The following GRXCR1 variants were observed in gnomAD, a reference collection of about 807,000 sequenced individuals.
The protein encoded by GRXCR1 is glutaredoxin domain-containing cysteine-rich protein 1.
A neutral mutation model predicts 27.3 loss-of-function variants in GRXCR1; 27 were observed. The ratio of observed to expected loss-of-function variants is 0.99; its 90% CI spans 0.73 to 1.37. The LOEUF is 1.37. Ranked by LOEUF, GRXCR1 falls within the 40% of genes most tolerant of loss-of-function variation. The pLI is 0.00. For synonymous variants in GRXCR1, 122 were observed against 131.1 expected, an observed-to-expected ratio of 0.93 and a Z score of 0.47; for missense variants, 379 against 354.4, an observed-to-expected ratio of 1.07 and a Z score of -0.56.
At chr4:43,025,827 T>A (rs1046358793) in intron 3 of GRXCR1, among the ~76,000 whole-genome samples, 1 of 151,958 alleles carries the variant, frequency 6.6e-6, no homozygotes, top group Non-Finnish European at 1.5e-5. Flanking sequence ...ATACAAAAAA[T>A]TAGCCGGGCA....
chr4:42,996,729 CTG>C (rs1465829834), intron 2 of GRXCR1, among the ~76,000 whole-genome samples: 3 of 151,718 alleles, frequency 2.0e-5, no homozygotes, highest in African/African-American at 4.8e-5. Flanking sequence ...GAAGATGACT[CTG>C]TAGTGAACAT....
In GRXCR1 at chr4:42,893,498, G is replaced by T; in HGVS notation, c.232G>T (p.Asp78Tyr). Residue 78 changes from aspartate (D) to tyrosine (Y), a missense_variant, in exon 1 of 4, where the codon GAT becomes TAT. Transcript: ENST00000399770. ...AGGTGATGAGAATGAGAATGACCAG[G>T]ATAGCTTGCTGGTGTTAGCAAGGGC... ...SEGDENENDQ[D>Y]SLLVLARAAS... 6.2e-7 allele frequency: 1 copy of T among 1,613,876 alleles called. No individual in the cohort carries two copies. Among genetic ancestry groups the T allele is most frequent in the Non-Finnish European group, 8.5e-7 (1 of 1,179,832 alleles).
intron 2 of GRXCR1, 135 bp downstream of exon 2, chr4:42,963,269 G>C: frequency 2.1e-6 from 2 of 963,424 alleles, no homozygotes; most frequent in Non-Finnish European, 3.3e-6. Context: ...CAAAGGGATT[G>C]GAGCACTTAT....
intron 2 of GRXCR1, among the ~76,000 whole-genome samples, chr4:42,972,909 A>G (rs1237004065): frequency 6.6e-6 from 1 of 152,092 alleles, no homozygotes; most frequent in Non-Finnish European, 1.5e-5. Flanking sequence ...AAATGATTCC[A>G]TATTCAAAAT....
At chr4:42,988,601 A>G (rs1221902807) in intron 2 of GRXCR1, among the ~76,000 whole-genome samples, 1 of 152,246 alleles carries the variant, frequency 6.6e-6, no homozygotes, top group Non-Finnish European at 1.5e-5. Context: ...CCTTTGTAGA[A>G]GAAACCTTGG....
At chr4:42,917,338 T>G (rs1194855198) in intron 1 of GRXCR1, among the ~76,000 whole-genome samples, 4 of 152,110 alleles carry the variant, frequency 2.6e-5, no homozygotes, top group African/African-American at 7.2e-5. Context: ...CCAATGAGAT[T>G]GTGGCTTTCA....
At chr4:42,932,182 C>T (rs1747327656) in intron 1 of GRXCR1, among the ~76,000 whole-genome samples, 1 of 151,850 alleles carries the variant, frequency 6.6e-6, no homozygotes, top group Non-Finnish European at 1.5e-5. Context: ...AAGCTTATTT[C>T]TCCTGTCTTA....
chr4:42,905,035 T>A lies in GRXCR1; in HGVS notation c.384+11385T>A, dbSNP rs543181216. 3.3e-5 allele frequency among the ~76,000 whole-genome samples: 5 copies of A among 152,286 alleles called. No homozygotes were observed. In the South Asian group the frequency reaches 1.0e-3, roughly 32 times the overall value. ...GTACCACAAGATTTTTTGGCAGAAA[T>A]CACTTCACTTTGAAAAATCTTAGCT... On this transcript the variant is annotated intron_variant, in intron 1 of 3. Transcript: ENST00000399770.
rs561550865 is a variant in GRXCR1 at position 43,004,984 on chromosome 4, C to T, written c.628-15370C>T. 3.4e-4 allele frequency among the ~76,000 whole-genome samples: 52 copies of T among 152,164 alleles called. No homozygotes were observed. The Middle Eastern group carries it at 0.014, about 40-fold the overall frequency. ...GGAATGACATGGTTTGGCTCTGTGT[C>T]CCCACCCAAATCTCATATCAAATTG... is the stretch of plus-strand genomic sequence containing the variant. On this transcript the variant is annotated intron_variant, in intron 2 of 3. Transcript: ENST00000399770.
chr4:42,969,610 A>G (rs1256331138), intron 2 of GRXCR1, among the ~76,000 whole-genome samples: 2 of 152,118 alleles, frequency 1.3e-5, no homozygotes, highest in Non-Finnish European at 2.9e-5. Context: ...CCAAACAACC[A>G]GATCTCGTGA....
intron 2 of GRXCR1, among the ~76,000 whole-genome samples, chr4:42,987,240 TAATATATAATATATATATATA>T (rs1711784192): frequency 1.6e-5 from 1 of 63,100 alleles, no homozygotes; most frequent in Non-Finnish European, 3.4e-5. Flanking sequence ...TATATATATA[TAATATATAATATATATATATA>T]ATATATATAT....
At position 43,030,594 on chromosome 4, in the gene GRXCR1, G is replaced by T; in HGVS notation, c.*54G>T. On this transcript the variant is annotated 3_prime_UTR_variant, in exon 4 of 4. Transcript: ENST00000399770. ...TTTTATTAATCAAAGGCAATACTTT[G>T]GTTTATATATATATTTTTAAATGGT... 1.5e-6 allele frequency: 2 copies of T among 1,363,968 alleles called. No individual in the cohort carries two copies. Among genetic ancestry groups the T allele is most frequent in the South Asian group, 1.2e-5 (1 of 85,438 alleles). 84.5% of individuals were successfully genotyped at this position (1,363,968 alleles called of 1,614,324 possible). A position where few individuals can be genotyped will look rare whatever the true frequency, so the allele number is the denominator to read the frequency against.
rs530325177 is a variant in GRXCR1, at chr4:42,905,275, C to T, written c.384+11625C>T. 3.3e-5 allele frequency among the ~76,000 whole-genome samples: 5 copies of T among 152,332 alleles called. No homozygotes were observed. The East Asian group carries it at 9.7e-4, about 29-fold the overall frequency. On this transcript the variant is annotated intron_variant, in intron 1 of 3. Transcript: ENST00000399770. ...GTGAACTCAGCCAGCCACCCACATG[C>T]CTTGTGTCTGAGTATTCCTTGGTAA...
At chr4:42,914,086 G>A (rs1305050922) in intron 1 of GRXCR1, among the ~76,000 whole-genome samples, 2 of 152,236 alleles carry the variant, frequency 1.3e-5, no homozygotes, top group Non-Finnish European at 2.9e-5. Flanking sequence ...CTCTGCTAGG[G>A]CAGTGTGGAA....
At chr4:42,915,267 G>A (rs1746860553) in intron 1 of GRXCR1, among the ~76,000 whole-genome samples, 1 of 152,066 alleles carries the variant, frequency 6.6e-6, no homozygotes. Flanking sequence ...AGAATGGGAT[G>A]GGAACGATGC....
intron 1 of GRXCR1, among the ~76,000 whole-genome samples, chr4:42,961,378 A>T (rs957805284): frequency 6.6e-6 from 1 of 151,944 alleles, no homozygotes; most frequent in Non-Finnish European, 1.5e-5. Context: ...GGTCCACATG[A>T]TCTTTAAAAG....
intron 1 of GRXCR1, among the ~76,000 whole-genome samples, chr4:42,961,499 T>G (rs1560665879): frequency 4.6e-5 from 7 of 151,972 alleles, no homozygotes. Flanking sequence ...GTCACCTGCC[T>G]GCAAGACAAC....
At chr4:42,998,301 C>T (rs1444956414) in intron 2 of GRXCR1, among the ~76,000 whole-genome samples, 2 of 152,158 alleles carry the variant, frequency 1.3e-5, no homozygotes, top group Admixed American at 1.3e-4. Flanking sequence ...TGTTGGCTGA[C>T]CCCTTTCTTA....
At chr4:42,931,390 G>T (rs1269615815) in intron 1 of GRXCR1, among the ~76,000 whole-genome samples, 1 of 151,840 alleles carries the variant, frequency 6.6e-6, no homozygotes, top group Non-Finnish European at 1.5e-5. Context: ...TTCTCATCTT[G>T]TTTGCCACCT....
Sources: gnomAD v4.1 joint callset for allele counts (sites outside exome capture counted in the v4.1 genomes callset) on GRCh38, gnomAD v4.1.1 for gene constraint, MANE v1.5 for transcripts, NCBI Gene and HGNC (gene_info 2026-07-23, HGNC 2026-07-21) for gene names.